Variants in SLA observed in about 807,000 individuals in gnomAD.
The protein encoded by SLA is src-like-adapter.
Under a neutral mutation model 30.3 loss-of-function variants are expected in SLA, and 16 were observed. That is an observed-to-expected ratio of 0.53 (90% CI 0.36 to 0.80). SLA has a LOEUF of 0.80. Ranked by LOEUF, SLA falls within the 30% of genes least tolerant of loss-of-function variation. SLA has a pLI of 0.01. For missense variants in SLA, 310 were observed against 345.2 expected (o/e 0.90, Z 0.81); for synonymous variants, 143 against 137.8 (o/e 1.04, Z -0.26).
chr8:133,092,585 A>G (rs1847736529), intron 1 of SLA, among the ~76,000 whole-genome samples: 1 of 152,164 alleles, frequency 6.6e-6, no homozygotes, highest in Non-Finnish European at 1.5e-5. Flanking sequence ...ACCTGGCCTC[A>G]TGCATCTTTG....
intron 1 of SLA, among the ~76,000 whole-genome samples, chr8:133,094,312 T>C (rs1250908582): frequency 8.9e-5 from 13 of 145,354 alleles, no homozygotes; most frequent in Non-Finnish European, 1.8e-4. Flanking sequence ...GCGATCTCGG[T>C]CCACTGCAAG....
intron 1 of SLA, among the ~76,000 whole-genome samples, chr8:133,078,727 A>T (rs1845279642): frequency 1.3e-5 from 2 of 152,246 alleles, no homozygotes; most frequent in Admixed American, 1.3e-4. Context: ...GGCCCAGAAC[A>T]AAACAATGTT....
At chr8:133,097,002 C>T (rs766297861) in intron 1 of SLA, among the ~76,000 whole-genome samples, 1 of 152,214 alleles carries the variant, frequency 6.6e-6, no homozygotes, top group Non-Finnish European at 1.5e-5. Flanking sequence ...TGAGCACATG[C>T]TCCTCTGCCC....
intron 1 of SLA, among the ~76,000 whole-genome samples, chr8:133,081,177 G>C (rs182309661): frequency 6.6e-6 from 1 of 152,374 alleles, no homozygotes; most frequent in East Asian, 1.9e-4. Flanking sequence ...CCAGATAGAG[G>C]TGCTTTTCTT....
chr8:133,047,908 C>T lies in SLA; in HGVS notation c.274G>A (p.Asp92Asn), dbSNP rs1212119818. ...AGCTGCAGCAGCTCCTCGGCCTTGTCTCTGCCCAGGCCCTCAAACAGCCAG... is the reference window on the plus strand; with the variant it reads ...AGCTGCAGCAGCTCCTCGGCCTTGTTTCTGCCCAGGCCCTCAAACAGCCAG... Reference protein sequence around the residue: ...HGWLFEGLGRDKAEELLQLPD... With the variant: ...HGWLFEGLGRNKAEELLQLPD... Residue 92 changes from aspartate to asparagine, a missense_variant, in exon 6 of 9, where the codon GAC (aspartate) becomes AAC (asparagine). Asp to Asn is a conservative substitution (Grantham distance 23). Transcript: ENST00000338087. 2 of 1,611,876 alleles carry T rather than the reference C, an allele frequency of 1.2e-6. No individual in the cohort carries two copies. The highest frequency in any genetic ancestry group is 2.2e-5 in the South Asian group (2 of 90,956).
At chr8:133,064,138 A>G (rs139177759) in intron 2 of SLA, 3 of 152,202 alleles carry the variant, frequency 2.0e-5, no homozygotes, top group African/African-American at 4.8e-5. Context: ...CTTTGGACCA[A>G]TGTTATTTCC....
At chr8:133,077,579 G>A (rs995306528) in intron 1 of SLA, among the ~76,000 whole-genome samples, 17 of 152,200 alleles carry the variant, frequency 1.1e-4, no homozygotes, top group African/African-American at 4.1e-4. Context: ...TGGAATGGAG[G>A]TTTTGGCCCT....
rs768563090 is a variant in SLA at position 133,060,132 on chromosome 8, G to T, written c.29C>A (p.Ala10Glu). ...GTTGGGCAGGGGCCTCTCGGCAGGCGCAGGGGTGGATTTCATGCTGTTTCC... is the reference window on the plus strand; with the variant it reads ...GTTGGGCAGGGGCCTCTCGGCAGGCTCAGGGGTGGATTTCATGCTGTTTCC... MGNSMKSTP[A>E]PAERPLPNPE... Residue 10 changes from alanine (A) to glutamate (E), a missense_variant, in exon 3 of 9, where the codon GCG becomes GAG. Coordinates refer to ENST00000338087, the MANE Select transcript of SLA (RefSeq NM_001045556.3). 6.2e-7 allele frequency: 1 copy of T among 1,610,574 alleles called. No individual in the cohort carries two copies. Among genetic ancestry groups the T allele is most frequent in the Non-Finnish European group, 8.5e-7 (1 of 1,178,960 alleles).
intron 7 of SLA, among the ~76,000 whole-genome samples, chr8:133,041,647 C>G (rs1348367992): frequency 6.6e-6 from 1 of 151,908 alleles, no homozygotes; most frequent in East Asian, 1.9e-4. Flanking sequence ...CTTCCTTAGA[C>G]AGGTTAATAC....
intron 2 of SLA, among the ~76,000 whole-genome samples, chr8:133,074,604 G>T (rs1401742342): frequency 6.6e-6 from 1 of 152,170 alleles, no homozygotes; most frequent in Non-Finnish European, 1.5e-5. Context: ...TGGCGAGAAT[G>T]TCTCCTCTGG....
chr8:133,079,886 C>A (rs985699168), intron 1 of SLA, among the ~76,000 whole-genome samples: 1 of 151,750 alleles, frequency 6.6e-6, no homozygotes, highest in Admixed American at 6.6e-5. Context: ...AACCATATGA[C>A]CTTCAAGATC....
chr8:133,062,188 T>C (rs991474389), intron 2 of SLA, among the ~76,000 whole-genome samples: 1 of 152,164 alleles, frequency 6.6e-6, no homozygotes, highest in Non-Finnish European at 1.5e-5. Context: ...GCTCGGGCCC[T>C]TCTTTCTTCA....
intron 2 of SLA, among the ~76,000 whole-genome samples, chr8:133,067,736 G>A (rs142518073): frequency 0.012 from 1,768 of 151,678 alleles, 15 homozygotes; most frequent in Middle Eastern, 0.034. Flanking sequence ...AGATCGCACC[G>A]CTGCACATTC....
rs756368168 is a variant in SLA, at chr8:133,096,357, G to A, written c.-319+6196C>T. On this transcript the variant is annotated intron_variant, in intron 1 of 8. Coordinates refer to ENST00000338087, the MANE Select transcript of SLA (RefSeq NM_001045556.3). ...TCTCAGGACGACGGGCTCATCAACA[G>A]AGCAAAGGCTGTGAAGGTAAGCAGG... is the stretch of plus-strand genomic sequence containing the variant. 1.9e-6 allele frequency: 3 copies of A among 1,614,198 alleles called. No individual in the cohort carries two copies. The Admixed American group carries it at 5.0e-5, about 27-fold the overall frequency.
chr8:133,078,323 G>A lies in SLA; in HGVS notation c.-318-3193C>T, dbSNP rs544294716. Among the ~76,000 whole-genome samples, 17 of 152,298 alleles carry A rather than the reference G, an allele frequency of 1.1e-4. 1 individual carries two copies. The South Asian group carries it at 2.9e-3, about 26-fold the overall frequency. On this transcript the variant is annotated intron_variant, in intron 1 of 8. Transcript: ENST00000338087. ...ACTGGGGTGGGAGCATGTGAGCCAC[G>A]AGCTGCCTAAGGACAGGAGAGGAAG...
chr8:133,061,125 C>A (rs1842314487), intron 2 of SLA, among the ~76,000 whole-genome samples: 1 of 152,226 alleles, frequency 6.6e-6, no homozygotes, highest in Non-Finnish European at 1.5e-5. Context: ...ATTCTCCTGC[C>A]TCAGCCTTCC....
intron 2 of SLA, among the ~76,000 whole-genome samples, chr8:133,062,707 AG>A (rs1371414280): frequency 6.6e-6 from 1 of 152,058 alleles, no homozygotes; most frequent in Non-Finnish European, 1.5e-5. Context: ...TGACACGCAC[AG>A]GGTGTCGTAC....
intron 1 of SLA, among the ~76,000 whole-genome samples, chr8:133,101,284 C>T (rs1285526613): frequency 6.6e-6 from 1 of 152,220 alleles, no homozygotes; most frequent in Non-Finnish European, 1.5e-5. Flanking sequence ...CTCCCACCCT[C>T]CCAACAGTGA....
In SLA at chr8:133,037,975, T is replaced by C. The variant is rs1837397204; in HGVS notation, c.*549A>G. On this transcript the variant is annotated 3_prime_UTR_variant, in exon 9 of 9. Coordinates refer to ENST00000338087, the MANE Select transcript of SLA (RefSeq NM_001045556.3). The stretch of plus-strand genomic sequence containing the variant: ...AAGGCTAAGAAGTCCTTTGGGCTAA[T>C]GTTTAGTGTCACGAAGTTCCTTTAA... The C allele has an allele frequency of 1.9e-5, 3 of 154,624 alleles. No individual in the cohort carries two copies. Among genetic ancestry groups the C allele is most frequent in the Admixed American group, 1.3e-4 (2 of 15,722 alleles). 9.6% of individuals were successfully genotyped at this position (154,624 alleles called of 1,614,324 possible). A position where few individuals can be genotyped will look rare whatever the true frequency, so the allele number is the denominator to read the frequency against.
Sources: gnomAD v4.1 joint callset for allele counts (sites outside exome capture counted in the v4.1 genomes callset) on GRCh38, gnomAD v4.1.1 for gene constraint, MANE v1.5 for transcripts, NCBI Gene and HGNC (gene_info 2026-07-23, HGNC 2026-07-21) for gene names.